The following AIG1 variants were observed in gnomAD, a reference collection of about 807,000 sequenced individuals.
AIG1 encodes androgen induced 1, also known as androgen-induced gene 1 protein.
Under a neutral mutation model 31.4 loss-of-function variants are expected in AIG1, and 23 were observed. The observed-to-expected ratio is 0.73, with a 90% CI of 0.53 to 1.04. The LOEUF (loss-of-function observed/expected upper bound fraction) is 1.04, where lower values mean the gene tolerates loss of function less well. AIG1 is among the 50% of genes least tolerant of loss of function. The pLI is 0.00. For missense variants in AIG1, 274 were observed against 295.0 expected (o/e 0.93, Z 0.52); for synonymous variants, 100 against 110.5 (o/e 0.90, Z 0.60).
chr6:143,229,787 A>C (rs72990439), intron 3 of AIG1, among the ~76,000 whole-genome samples: 47 of 108,690 alleles, frequency 4.3e-4, no homozygotes, highest in Admixed American at 8.5e-4. Flanking sequence ...CTCAGAACAA[A>C]AAAAAAAAAA....
intron 3 of AIG1, among the ~76,000 whole-genome samples, chr6:143,238,951 G>C (rs1794017628): frequency 6.6e-6 from 1 of 152,158 alleles, no homozygotes; most frequent in South Asian, 2.1e-4. Flanking sequence ...TAATTACCAG[G>C]ATAGATTGAC....
At chr6:143,242,143 G>A (rs1794286511) in intron 3 of AIG1, among the ~76,000 whole-genome samples, 1 of 152,174 alleles carries the variant, frequency 6.6e-6, no homozygotes, top group Non-Finnish European at 1.5e-5. Flanking sequence ...ATGAGCACGA[G>A]CAATAGCAAT....
At chr6:143,113,178 A>G (rs1302223627) in intron 1 of AIG1, among the ~76,000 whole-genome samples, 3 of 151,234 alleles carry the variant, frequency 2.0e-5, no homozygotes, top group African/African-American at 7.3e-5. Context: ...GCGAAAGAGC[A>G]AGACCCTGAA....
chr6:143,137,023 AAG>A (rs752620467), intron 2 of AIG1, 33 bp downstream of exon 2: 1 of 1,333,432 alleles, frequency 7.5e-7, no homozygotes, highest in Non-Finnish European at 9.7e-7. Flanking sequence ...TTAGCCACAA[AAG>A]AAACTTGGCT....
intron 3 of AIG1, among the ~76,000 whole-genome samples, chr6:143,199,758 CT>C (rs1180647921): frequency 6.6e-6 from 1 of 152,162 alleles, no homozygotes; most frequent in Admixed American, 6.5e-5. Context: ...GATAAGGCCC[CT>C]CTCAACAAGT....
chr6:143,196,480 T>C (rs1194057387), intron 3 of AIG1, among the ~76,000 whole-genome samples: 1 of 152,122 alleles, frequency 6.6e-6, no homozygotes, highest in Non-Finnish European at 1.5e-5. Context: ...GATGTGGATA[T>C]TTAAGAGCTT....
At chr6:143,106,507 ATCATTTCCAAATCC>A (rs1780820851) in intron 1 of AIG1, among the ~76,000 whole-genome samples, 1 of 152,184 alleles carries the variant, frequency 6.6e-6, no homozygotes, top group African/African-American at 2.4e-5. Flanking sequence ...CTGTGTCCTG[ATCATTTCCAAATCC>A]TCATCACATA....
In AIG1 at chr6:143,280,507, G is replaced by A. The variant is rs144980341; in HGVS notation, c.400-3603G>A. 1.3e-5 allele frequency among the ~76,000 whole-genome samples: 2 copies of A among 152,334 alleles called. No homozygotes were observed. Among genetic ancestry groups the A allele is most frequent in the Admixed American group, 6.5e-5 (1 of 15,300 alleles). On this transcript the variant is annotated intron_variant, in intron 3 of 5. Coordinates refer to ENST00000357847, the MANE Select transcript of AIG1 (RefSeq NM_016108.4). This position sits in a 1 kb window ranked among gnomAD's most constrained non-coding sequence, Gnocchi z 4.1. ...CAGTGACAGATTGGATAAGGAAAAT[G>A]TGGTACCTGTACACCACAGAATACT...
chr6:143,206,975 A>T (rs1012331634), intron 3 of AIG1, among the ~76,000 whole-genome samples: 6 of 152,110 alleles, frequency 3.9e-5, no homozygotes, highest in African/African-American at 1.4e-4. Context: ...AGATCTGGAC[A>T]TTTTTTAATG....
chr6:143,097,787 A>C (rs1779926941), intron 1 of AIG1, among the ~76,000 whole-genome samples: 1 of 152,248 alleles, frequency 6.6e-6, no homozygotes, highest in South Asian at 2.1e-4. Context: ...CAACAAAAGC[A>C]ATCGGAAGAA....
chr6:143,238,388 A>G (rs1193541325), intron 3 of AIG1, among the ~76,000 whole-genome samples: 1 of 152,194 alleles, frequency 6.6e-6, no homozygotes, highest in Non-Finnish European at 1.5e-5. Context: ...TCCATTATAG[A>G]GAAAGACTTT....
intron 3 of AIG1, among the ~76,000 whole-genome samples, chr6:143,182,135 C>T (rs1036679594): frequency 1.3e-5 from 2 of 152,114 alleles, no homozygotes; most frequent in Non-Finnish European, 2.9e-5. Context: ...AAGGGATCCT[C>T]CTACCCCAGC....
intron 3 of AIG1, among the ~76,000 whole-genome samples, chr6:143,183,634 G>A (rs1788953640): frequency 6.6e-6 from 1 of 152,154 alleles, no homozygotes; most frequent in Non-Finnish European, 1.5e-5. Flanking sequence ...TAAATGATGA[G>A]TAGGCCCAGC....
At chr6:143,342,766 G>T, downstream of AIG1, 2 of 815,976 alleles carry the variant, frequency 2.5e-6, no homozygotes, top group South Asian at 2.7e-5. Flanking sequence ...TATCATAGCT[G>T]CAAACGTCCT....
intron 1 of AIG1, among the ~76,000 whole-genome samples, chr6:143,081,145 T>C (rs1271509719): frequency 6.6e-6 from 1 of 152,214 alleles, no homozygotes; most frequent in African/African-American, 2.4e-5. Context: ...AGTAAGGCTA[T>C]AGGCAACAGA....
chr6:143,108,449 C>G (rs562440158), intron 1 of AIG1, among the ~76,000 whole-genome samples: 1 of 152,082 alleles, frequency 6.6e-6, no homozygotes, highest in African/African-American at 2.4e-5. Flanking sequence ...AAATAGAATG[C>G]CTTAACTTTT....
chr6:143,124,503 T>G (rs1450411185), intron 1 of AIG1, among the ~76,000 whole-genome samples: 1 of 152,136 alleles, frequency 6.6e-6, no homozygotes, highest in Non-Finnish European at 1.5e-5. Context: ...CGGTGGTGGC[T>G]CACTTGCCCC....
At chr6:143,167,284 T>C (rs1309305587) in intron 3 of AIG1, among the ~76,000 whole-genome samples, 1 of 152,188 alleles carries the variant, frequency 6.6e-6, no homozygotes, top group African/African-American at 2.4e-5. Flanking sequence ...GTATCCTTTG[T>C]GATATCTCCA....
intron 3 of AIG1, among the ~76,000 whole-genome samples, chr6:143,177,684 G>T (rs563005339): frequency 5.3e-5 from 8 of 152,330 alleles, no homozygotes; most frequent in Admixed American, 3.9e-4. Context: ...GGCTCCGGCA[G>T]TAGGGAGCAT....
Sources: gnomAD v4.1 joint callset for allele counts (sites outside exome capture counted in the v4.1 genomes callset) on GRCh38, gnomAD v4.1.1 for gene constraint, Gnocchi (gnomAD v3.1) non-coding constraint, MANE v1.5 for transcripts, NCBI Gene and HGNC (gene_info 2026-07-23, HGNC 2026-07-21) for gene names.